The following ZFP92 variants were observed in gnomAD, a reference collection of about 807,000 sequenced individuals.
ZFP92 encodes ZFP92 zinc finger protein, also known as zinc finger protein 92 homolog.
Under a neutral mutation model 7.6 loss-of-function variants are expected in ZFP92, and 2 were observed. The observed-to-expected ratio is 0.26, with a 90% CI of 0.11 to 0.83. The LOEUF is 0.83. Among genes scored for constraint, ZFP92 ranks in the 40% least tolerant of loss-of-function variants. The probability of loss-of-function intolerance (pLI) is 0.65; values close to 1 mark genes in which losing one functional copy is unlikely to be tolerated. For missense variants in ZFP92, 324 were observed against 408.3 expected (o/e 0.79, Z 1.78); for synonymous variants, 226 against 183.6 (o/e 1.23, Z -1.87).
rs992074893 is a variant in ZFP92, at chrX:153,422,399, T to C, written c.*771T>C. 1 of 111,676 alleles carries C rather than the reference T, an allele frequency of 9.0e-6. No homozygotes were observed. The highest frequency in any genetic ancestry group is 1.9e-5 in the Non-Finnish European group (1 of 53,108). 9.2% of individuals were successfully genotyped at this position (111,676 alleles called of 1,213,427 possible). A position where few individuals can be genotyped will look rare whatever the true frequency, so the allele number is the denominator to read the frequency against. On this transcript the variant is annotated 3_prime_UTR_variant, in exon 6 of 6. Coordinates refer to ENST00000338647, the MANE Select transcript of ZFP92 (RefSeq NM_001136273.2). ...GAGCACCAGTGGTTCTGGGAATGGCTAGCCCAGGCCCTGCAGAGAGGATAA... is the reference window on the plus strand; with the variant it reads ...GAGCACCAGTGGTTCTGGGAATGGCCAGCCCAGGCCCTGCAGAGAGGATAA...
At chrX:153,420,131 TTC>T (rs2088986051) in intron 4 of ZFP92, 95 bp from the exon 5 acceptor site, 1 of 661,290 alleles carries the variant, frequency 1.5e-6, no homozygotes, top group African/African-American at 2.3e-5. Flanking sequence ...GAGTTCTTTA[TTC>T]TCTGTTACCT....
At chrX:153,411,766 G>T (rs922841920) in intron 1 of ZFP92, among the ~76,000 whole-genome samples, 63 bp downstream of exon 1, 1 of 112,708 alleles carries the variant, frequency 8.9e-6, no homozygotes, top group Admixed American at 9.2e-5. Flanking sequence ...GTCTCGGCAG[G>T]GTGCAGGTGT....
rs111474735 is a variant in ZFP92 at position 153,424,963 on chromosome X, T to G, written c.*3335T>G. 0.016 allele frequency: 1,796 copies of G among 112,495 alleles called. 41 individuals carry two copies. Among genetic ancestry groups the G allele is most frequent in the African/African-American group, 0.055 (1,712 of 30,963 alleles). 9.3% of individuals were successfully genotyped at this position (112,495 alleles called of 1,213,427 possible). A position where few individuals can be genotyped will look rare whatever the true frequency, so the allele number is the denominator to read the frequency against. On this transcript the variant is annotated 3_prime_UTR_variant, in exon 6 of 6. Coordinates refer to ENST00000338647, the MANE Select transcript of ZFP92 (RefSeq NM_001136273.2). ...AGAGCTGGGCTTTGGGTGTTCCTTG[T>G]GGGGGTCCCTGTGAAGGTAAGACAG... is the stretch of plus-strand genomic sequence containing the variant.
chrX:153,413,959 C>T (rs782698710), intron 2 of ZFP92, among the ~76,000 whole-genome samples: 1 of 112,413 alleles, frequency 8.9e-6, no homozygotes, highest in Non-Finnish European at 1.9e-5. Flanking sequence ...GGCGGCCTCC[C>T]GCCGATGGGG....
intron 4 of ZFP92, 85 bp from the exon 5 acceptor site, chrX:153,420,142 CT>C: frequency 2.9e-6 from 2 of 696,935 alleles, no homozygotes; most frequent in South Asian, 5.9e-5. Context: ...TCTCTGTTAC[CT>C]GAAGATATTG....
Position 153,418,295 on chromosome X carries a change from T to C in ZFP92, c.-18-10T>C. Reference sequence around the variant, plus strand: ...CTGGGCTCACAGGGGGCTCTTTGCATTTCCCTTAGCTCCTCTGCGCCCTGG... The same window carrying C: ...CTGGGCTCACAGGGGGCTCTTTGCACTTCCCTTAGCTCCTCTGCGCCCTGG... On this transcript the variant is annotated splice_polypyrimidine_tract_variant and intron_variant, in intron 2 of 5. Coordinates refer to ENST00000338647, the MANE Select transcript of ZFP92 (RefSeq NM_001136273.2). The C allele has an allele frequency of 8.6e-7, 1 of 1,167,431 alleles. No individual in the cohort carries two copies. Among genetic ancestry groups the C allele is most frequent in the Non-Finnish European group, 1.1e-6 (1 of 872,862 alleles).
chrX:153,420,017 T>C (rs1556974584), intron 4 of ZFP92, among the ~76,000 whole-genome samples: 1 of 112,334 alleles, frequency 8.9e-6, no homozygotes, highest in African/African-American at 3.2e-5. Flanking sequence ...AATCGCCAGC[T>C]ACTGAAGATC....
chrX:153,420,166 G>C (rs2088986217), intron 4 of ZFP92, 62 bp from the exon 5 acceptor site: 7 of 903,614 alleles, frequency 7.7e-6, no homozygotes, highest in Admixed American at 6.2e-5. Flanking sequence ...AATTGCCTGA[G>C]TTCAGGAGCG....
At position 153,425,508 on chromosome X, in the gene ZFP92, A is replaced by G. The variant is rs945871203; in HGVS notation, c.*3880A>G. 3 of 112,044 alleles carry G rather than the reference A, an allele frequency of 2.7e-5. No individual in the cohort carries two copies. The highest frequency in any genetic ancestry group is 5.6e-5 in the Non-Finnish European group (3 of 53,172). 9.2% of individuals were successfully genotyped at this position (112,044 alleles called of 1,213,427 possible). A position where few individuals can be genotyped will look rare whatever the true frequency, so the allele number is the denominator to read the frequency against. Reference sequence around the variant, plus strand: ...ATGAGGAGCAATTTTCCAAAACATGAAAGAATTATTCTAAGAATGACAAAG... The same window carrying G: ...ATGAGGAGCAATTTTCCAAAACATGGAAGAATTATTCTAAGAATGACAAAG... On this transcript the variant is annotated 3_prime_UTR_variant, in exon 6 of 6. Coordinates refer to ENST00000338647, the MANE Select transcript of ZFP92 (RefSeq NM_001136273.2).
Position 153,418,285 on chromosome X carries a change from G to T in ZFP92, c.-18-20G>T, listed in dbSNP as rs782435067. 1 of 1,167,196 alleles carries T rather than the reference G, an allele frequency of 8.6e-7. No individual in the cohort carries two copies. The highest frequency in any genetic ancestry group is 2.6e-5 in the Admixed American group (1 of 38,740). Reference sequence around the variant, plus strand: ...CCAGGCTGCCCTGGGCTCACAGGGGGCTCTTTGCATTTCCCTTAGCTCCTC... The same window carrying T: ...CCAGGCTGCCCTGGGCTCACAGGGGTCTCTTTGCATTTCCCTTAGCTCCTC... On this transcript the variant is annotated intron_variant, in intron 2 of 5. Coordinates refer to ENST00000338647, the MANE Select transcript of ZFP92 (RefSeq NM_001136273.2).
chrX:153,417,057 C>T (rs189893945), intron 2 of ZFP92, among the ~76,000 whole-genome samples: 70 of 112,203 alleles, frequency 6.2e-4, no homozygotes, highest in Admixed American at 2.2e-3. Context: ...GAGGCCCCAC[C>T]TCCAACACTG....
chrX:153,419,271 C>T (rs903387837), intron 4 of ZFP92, among the ~76,000 whole-genome samples: 1 of 112,515 alleles, frequency 8.9e-6, no homozygotes, highest in East Asian at 2.8e-4. Flanking sequence ...GATTTCAAGC[C>T]TTGAGAAGTC....
rs1254505947 is a variant in ZFP92, at chrX:153,421,589, G to T, written c.1212G>T (p.Pro404=). ...TGGCGGCCACCAGCCCCCCGCGGCC[G>T]AGCACAGCCGCCAGGCCTTCCAGGC... is the stretch of plus-strand genomic sequence containing the variant. ...SAVAATSPPR[P]STAARPSRPS... Residue 404 remains proline, a synonymous_variant, in exon 6 of 6, where the codon CCG becomes CCT. Coordinates refer to ENST00000338647, the MANE Select transcript of ZFP92 (RefSeq NM_001136273.2). 2.6e-5 allele frequency: 27 copies of T among 1,033,153 alleles called. No individual in the cohort carries two copies. Among genetic ancestry groups the T allele is most frequent in the Non-Finnish European group, 3.3e-5 (27 of 815,048 alleles). 85.1% of individuals were successfully genotyped at this position (1,033,153 alleles called of 1,213,427 possible).
At position 153,424,039 on chromosome X, in the gene ZFP92, G is replaced by A. The variant is rs901056664; in HGVS notation, c.*2411G>A. 6 of 113,086 alleles carry A rather than the reference G, an allele frequency of 5.3e-5. No homozygotes were observed. The highest frequency in any genetic ancestry group is 9.4e-5 in the Non-Finnish European group (5 of 53,380). The allele number at this position is 113,086 out of a possible 1,213,427, so 9.3% of individuals were successfully genotyped here. On this transcript the variant is annotated 3_prime_UTR_variant, in exon 6 of 6. Transcript: ENST00000338647. ...AGCCAGCTTTCACTAAAGAAGAATC[G>A]ACTCCTTAGTATCTTGTCATGCCAT...
rs1556974747 is a variant in ZFP92, at chrX:153,420,690, GGAC to G, written c.317_319del (p.Arg106del). The G allele has an allele frequency of 3.5e-6, 4 of 1,128,679 alleles. No homozygotes were observed. The African/African-American group carries it at 5.5e-5, about 15-fold the overall frequency. The allele number at this position is 1,128,679 out of a possible 1,213,427, so 93.0% of individuals were successfully genotyped here. ...GTCGACTTCAACGCAGAAGCATTCT[GGAC>G]GACAACTCCCCGGGGCCGATCCACA... On this transcript the variant is annotated inframe_deletion, in exon 6 of 6. Transcript: ENST00000338647.
In ZFP92 at chrX:153,419,036, T is replaced by C. The variant is rs1556974422; in HGVS notation, c.160+237T>C. 3.6e-5 allele frequency among the ~76,000 whole-genome samples: 4 copies of C among 112,632 alleles called. No individual in the cohort carries two copies. The South Asian group carries it at 1.5e-3, about 41-fold the overall frequency. ...TTAGGTAAATGCGTTGGCCTGTAAG[T>C]TTCAGTACCAGTCTTATCTTGTGTA... On this transcript the variant is annotated intron_variant, in intron 4 of 5. Transcript: ENST00000338647.
chrX:153,416,595 A>G (rs549534701), intron 2 of ZFP92, among the ~76,000 whole-genome samples: 4 of 111,694 alleles, frequency 3.6e-5, no homozygotes, highest in South Asian at 7.5e-4. Flanking sequence ...TGGAACATCA[A>G]TAAAAGCTTG....
At chrX:153,420,085 C>A in intron 4 of ZFP92, 143 bp from the exon 5 acceptor site, 1 of 460,545 alleles carries the variant, frequency 2.2e-6, no homozygotes, top group Non-Finnish European at 3.5e-6. Flanking sequence ...AGGGACTTGG[C>A]CCTTTCTCTG....
At chrX:153,417,640 G>T (rs2093720628) in intron 2 of ZFP92, among the ~76,000 whole-genome samples, 1 of 111,998 alleles carries the variant, frequency 8.9e-6, no homozygotes, top group Non-Finnish European at 1.9e-5. Context: ...GAAAAGAAAG[G>T]AAAGAAGGAA....
Sources: gnomAD v4.1 joint callset for allele counts (sites outside exome capture counted in the v4.1 genomes callset) on GRCh38, gnomAD v4.1.1 for gene constraint, MANE v1.5 for transcripts, NCBI Gene and HGNC (gene_info 2026-07-23, HGNC 2026-07-21) for gene names.